Variants in RAPGEF6 observed in about 807,000 individuals in gnomAD.
RAPGEF6 encodes the protein PDZ domain containing guanine nucleotide exchange factor (GEF) 2.
RAPGEF6 carries 56 observed loss-of-function variants against 171.4 expected under a neutral mutation model. The ratio of observed to expected loss-of-function variants is 0.33; its 90% confidence interval spans 0.26 to 0.41. The LOEUF (loss-of-function observed/expected upper bound fraction) is 0.41. Among genes scored for constraint, RAPGEF6 ranks in the 10% least tolerant of loss-of-function variants. The pLI is 1.00. For missense variants in RAPGEF6, 1,674 were observed against 1,921.4 expected (o/e 0.87, Z 2.41); for synonymous variants, 692 against 650.1 (o/e 1.06, Z -0.98).
intron 4 of RAPGEF6, among the ~76,000 whole-genome samples, chr5:131,567,522 T>C (rs1459251683): frequency 6.6e-6 from 1 of 152,224 alleles, no homozygotes; most frequent in Non-Finnish European, 1.5e-5. Flanking sequence ...GGTCTATTAT[T>C]CATTTACAAA....
chr5:131,516,045 CCT>C lies in RAPGEF6; in HGVS notation c.627+5343_627+5344del, dbSNP rs1758050800. 6.4e-5 allele frequency among the ~76,000 whole-genome samples: 6 copies of C among 94,350 alleles called. 1 individual carries two copies. Among genetic ancestry groups the C allele is most frequent in the African/African-American group, 1.2e-4 (3 of 24,386 alleles). 61.9% of individuals were successfully genotyped at this position (94,350 alleles called of 152,430 possible). A position where few individuals can be genotyped will look rare whatever the true frequency, so the allele number is the denominator to read the frequency against. On this transcript the variant is annotated intron_variant, in intron 7 of 27. Transcript: ENST00000509018. ...ATTTTGACTAGGACTCAGATGATATCCTTTTTTTTTTTTTTTTTTTTTTTTTT... is the reference window on the plus strand; with the variant it reads ...ATTTTGACTAGGACTCAGATGATATCTTTTTTTTTTTTTTTTTTTTTTTTT...
intron 21 of RAPGEF6, among the ~76,000 whole-genome samples, chr5:131,452,623 T>C (rs1753173707): frequency 6.7e-6 from 1 of 149,156 alleles, no homozygotes; most frequent in African/African-American, 2.4e-5. Flanking sequence ...ATTGTATTTG[T>C]TTGCTGATTT....
intron 22 of RAPGEF6, among the ~76,000 whole-genome samples, chr5:131,443,295 C>G (rs1752498247): frequency 6.6e-6 from 1 of 152,106 alleles, no homozygotes; most frequent in Admixed American, 6.5e-5. Context: ...CCAGGCTGGT[C>G]TCGAACTCTT....
intron 6 of RAPGEF6, among the ~76,000 whole-genome samples, chr5:131,528,882 G>A (rs1223854438): frequency 1.3e-5 from 2 of 152,140 alleles, no homozygotes; most frequent in Admixed American, 1.3e-4. Context: ...GCTGTGTCAA[G>A]TGCTGCAGAT....
chr5:131,437,634 A>G (rs1320217230), intron 24 of RAPGEF6, among the ~76,000 whole-genome samples: 2 of 152,242 alleles, frequency 1.3e-5, no homozygotes, highest in Admixed American at 6.5e-5. Flanking sequence ...ATTACATATG[A>G]GCTACAACAG....
At chr5:131,618,272 G>A (rs1327170368) in intron 1 of RAPGEF6, among the ~76,000 whole-genome samples, 3 of 152,118 alleles carry the variant, frequency 2.0e-5, no homozygotes, top group African/African-American at 7.2e-5. Context: ...AAAGAGAGGA[G>A]AAAGGAAGGT....
At chr5:131,495,065 C>T (rs1037486996) in intron 13 of RAPGEF6, among the ~76,000 whole-genome samples, 12 of 152,090 alleles carry the variant, frequency 7.9e-5, no homozygotes, top group East Asian at 1.9e-4. Context: ...AAGGCCGAGG[C>T]GGGCGGATCA....
intron 6 of RAPGEF6, among the ~76,000 whole-genome samples, chr5:131,540,029 A>C (rs1453322319): frequency 1.3e-5 from 2 of 152,204 alleles, no homozygotes; most frequent in Non-Finnish European, 2.9e-5. Context: ...TGCCATGGAA[A>C]TCATTCTTTC....
chr5:131,463,748 G>C, intron 18 of RAPGEF6: 7 of 1,023,004 alleles, frequency 6.8e-6, no homozygotes, highest in Non-Finnish European at 8.2e-6. Context: ...TTTTGCCAAA[G>C]TACATACTGG....
chr5:131,440,758 A>AAAAG (rs1232992980), intron 23 of RAPGEF6, among the ~76,000 whole-genome samples: 57 of 149,876 alleles, frequency 3.8e-4, no homozygotes, highest in African/African-American at 1.2e-3. Flanking sequence ...AAAAAAAAAA[A>AAAAG]AAAGAAAGAA....
In RAPGEF6 at chr5:131,453,163, C is replaced by A. The variant is rs1753225776; in HGVS notation, c.3091G>T (p.Val1031Leu). 1.2e-6 allele frequency: 2 copies of A among 1,608,308 alleles called. No homozygotes were observed. The highest frequency in any genetic ancestry group is 1.1e-5 in the South Asian group (1 of 89,968). ...TTCTCAAAGTTTACTAAACCATCTA[C>A]TTTGGAGTCATTTCCTATAGAATGA... is the stretch of plus-strand genomic sequence containing the variant. ...TFLHEGNDSK[V>L]DGLVNFEKLR... Residue 1031 changes from valine to leucine, a missense_variant, in exon 21 of 28, where the codon GTA becomes TTA. Physicochemically the swap from Val to Leu is conservative, Grantham distance 32. This residue lies in a region of RAPGEF6 where 1,116 missense variants were observed against 1,321.5 expected (regional missense o/e 0.84). Transcript: ENST00000509018.
At chr5:131,540,110 G>A (rs1199024974) in intron 6 of RAPGEF6, among the ~76,000 whole-genome samples, 1 of 152,110 alleles carries the variant, frequency 6.6e-6, no homozygotes, top group Non-Finnish European at 1.5e-5. Flanking sequence ...AAGAGAGGAA[G>A]ACTAGCACCT....
intron 6 of RAPGEF6, among the ~76,000 whole-genome samples, chr5:131,541,430 G>A (rs1259016509): frequency 6.6e-6 from 1 of 152,154 alleles, no homozygotes; most frequent in Non-Finnish European, 1.5e-5. Context: ...AACATAATGG[G>A]GCCAGAAAGC....
intron 17 of RAPGEF6, among the ~76,000 whole-genome samples, chr5:131,468,053 C>A (rs553655228): frequency 6.7e-6 from 1 of 149,364 alleles, no homozygotes; most frequent in Non-Finnish European, 1.5e-5. Flanking sequence ...TGGGGTCGGG[C>A]GCAGTGGCTT....
At chr5:131,569,268 G>A (rs1762130789) in intron 4 of RAPGEF6, among the ~76,000 whole-genome samples, 1 of 152,066 alleles carries the variant, frequency 6.6e-6, no homozygotes, top group Admixed American at 6.6e-5. Flanking sequence ...AATAGCCAAA[G>A]CCATTATAAA....
At position 131,578,594 on chromosome 5, in the gene RAPGEF6, A is replaced by C. The variant is rs1394682022; in HGVS notation, c.281+13789T>G. Among the ~76,000 whole-genome samples, 4 of 152,046 alleles carry C rather than the reference A, an allele frequency of 2.6e-5. No individual in the cohort carries two copies. In the South Asian group the frequency reaches 8.3e-4, roughly 32 times the overall value. On this transcript the variant is annotated intron_variant, in intron 4 of 27. Transcript: ENST00000509018. ...TCCATCCCCCCATATTTGGACCCCT[A>C]ACCACACAAACAACTATCCCTGTTG... is the stretch of plus-strand genomic sequence containing the variant.
At chr5:131,604,835 T>C (rs1764458430) in intron 1 of RAPGEF6, 142 bp from the exon 2 acceptor site, 1 of 1,107,020 alleles carries the variant, frequency 9.0e-7, no homozygotes, top group Non-Finnish European at 1.2e-6. Flanking sequence ...CTCTGAATCA[T>C]AAAAGATTTG....
Position 131,455,799 on chromosome 5 carries a change from A to G in RAPGEF6, c.3076+2T>C. 1 of 1,606,744 alleles carries G rather than the reference A, an allele frequency of 6.2e-7. No homozygotes were observed. The highest frequency in any genetic ancestry group is 8.5e-7 in the Non-Finnish European group (1 of 1,174,246). ...AAACATCAATAAATAATGTTTTCAT[A>G]CCTTCATGTAGAAATGTCATATCTT... On this transcript the variant is annotated splice_donor_variant, in intron 20 of 27. Coordinates refer to ENST00000509018, the MANE Select transcript of RAPGEF6 (RefSeq NM_016340.6). LOFTEE classifies it high-confidence loss of function.
At chr5:131,590,767 T>C (rs1269682955) in intron 4 of RAPGEF6, among the ~76,000 whole-genome samples, 1 of 152,230 alleles carries the variant, frequency 6.6e-6, no homozygotes, top group Non-Finnish European at 1.5e-5. Context: ...CACAAACTAG[T>C]AGTGAATTAT....
Sources: allele counts gnomAD v4.1 joint callset (sites outside exome capture counted in the v4.1 genomes callset), GRCh38; gene constraint gnomAD v4.1.1; regional missense constraint gnomAD v4.1.1; transcripts MANE v1.5; gene names NCBI Gene and HGNC (gene_info 2026-07-23, HGNC 2026-07-21).